The following ZCWPW2 variants were observed in gnomAD, a reference collection of about 807,000 sequenced individuals.
The protein encoded by ZCWPW2 is zinc finger CW-type PWWP domain protein 2.
ZCWPW2 carries 45 observed loss-of-function variants against 46.6 expected under a neutral mutation model. The observed-to-expected ratio is 0.96, with a 90% CI of 0.76 to 1.24. ZCWPW2 has a LOEUF of 1.24. Ranked by LOEUF, ZCWPW2 falls within the 50% of genes most tolerant of loss-of-function variation. ZCWPW2 has a pLI of 0.00. For missense variants in ZCWPW2, 429 were observed against 403.9 expected (o/e 1.06, Z -0.53); for synonymous variants, 152 against 137.1 (o/e 1.11, Z -0.76).
At chr3:28,449,769 T>C (rs1371888915) in intron 4 of ZCWPW2, among the ~76,000 whole-genome samples, 1 of 152,214 alleles carries the variant, frequency 6.6e-6, no homozygotes, top group Non-Finnish European at 1.5e-5. Context: ...ACCATGAACA[T>C]GTGCTGCAGG....
intron 4 of ZCWPW2, among the ~76,000 whole-genome samples, chr3:28,455,811 TC>T (rs1010293173): frequency 3.3e-5 from 5 of 152,192 alleles, no homozygotes; most frequent in Admixed American, 6.5e-5. Flanking sequence ...GGGCCTTATT[TC>T]TGGGTTCTTT....
chr3:28,430,643 C>T (rs1171360075), intron 3 of ZCWPW2, among the ~76,000 whole-genome samples: 1 of 152,150 alleles, frequency 6.6e-6, no homozygotes, highest in African/African-American at 2.4e-5. Context: ...ACCCAAATCT[C>T]ATCTTGAATT....
chr3:28,466,332 CA>C (rs1698822663), intron 4 of ZCWPW2, among the ~76,000 whole-genome samples: 2 of 151,978 alleles, frequency 1.3e-5, no homozygotes, highest in Admixed American at 6.6e-5. Context: ...CCCCTGAACC[CA>C]AAATAAAAGT....
intron 1 of ZCWPW2, among the ~76,000 whole-genome samples, chr3:28,381,198 A>G (rs1354358937): frequency 6.6e-6 from 1 of 150,420 alleles, no homozygotes; most frequent in Non-Finnish European, 1.5e-5. Flanking sequence ...GTCCTCCTCA[A>G]AGTTCCAAAC....
intron 1 of ZCWPW2, among the ~76,000 whole-genome samples, chr3:28,371,043 T>A (rs1333743226): frequency 6.6e-6 from 1 of 152,068 alleles, no homozygotes. Flanking sequence ...ATTTTTTTTT[T>A]AACTATAATT....
chr3:28,391,229 G>C (rs1242815189), intron 2 of ZCWPW2, among the ~76,000 whole-genome samples: 1 of 152,156 alleles, frequency 6.6e-6, no homozygotes, highest in East Asian at 1.9e-4. Context: ...AAGGGTGACT[G>C]ATGAAATTTG....
intron 6 of ZCWPW2, among the ~76,000 whole-genome samples, chr3:28,503,906 C>A (rs1700212357): frequency 6.6e-6 from 1 of 151,618 alleles, no homozygotes; most frequent in Non-Finnish European, 1.5e-5. Context: ...TAGTTAATAC[C>A]TTTACTTTGC....
At chr3:28,384,085 A>G (rs939137833) in intron 1 of ZCWPW2, among the ~76,000 whole-genome samples, 2 of 152,104 alleles carry the variant, frequency 1.3e-5, no homozygotes, top group African/African-American at 4.8e-5. Context: ...ATTTTCCTCC[A>G]TATTTTAAAT....
chr3:28,351,936 G>A (rs1704567366), intron 1 of ZCWPW2, among the ~76,000 whole-genome samples: 2 of 152,122 alleles, frequency 1.3e-5, no homozygotes, highest in South Asian at 2.1e-4. Context: ...CATATCACAT[G>A]TTCAGGTTAC....
At chr3:28,518,417 G>A (rs1433554972) in intron 8 of ZCWPW2, among the ~76,000 whole-genome samples, 2 of 151,952 alleles carry the variant, frequency 1.3e-5, no homozygotes, top group African/African-American at 2.4e-5. Context: ...TGTAGATTAA[G>A]GTAACTGCTA....
intron 1 of ZCWPW2, among the ~76,000 whole-genome samples, chr3:28,385,413 G>A (rs1695234647): frequency 6.6e-6 from 1 of 152,132 alleles, no homozygotes; most frequent in South Asian, 2.1e-4. Context: ...GCATGATCAG[G>A]TGCCAGAATA....
intron 3 of ZCWPW2, among the ~76,000 whole-genome samples, chr3:28,425,594 A>C (rs768421199): frequency 6.6e-6 from 1 of 152,184 alleles, no homozygotes; most frequent in Non-Finnish European, 1.5e-5. Flanking sequence ...TCTTGTCAAC[A>C]TTTCAGAGTT....
At chr3:28,390,359 A>G in intron 1 of ZCWPW2, 139 bp from the exon 2 acceptor site, 1 of 630,328 alleles carries the variant, frequency 1.6e-6, no homozygotes, top group Non-Finnish European at 2.0e-6. Flanking sequence ...TACAAATTCC[A>G]AAATTTCCTA....
intron 1 of ZCWPW2, among the ~76,000 whole-genome samples, chr3:28,366,944 G>A (rs544909427): frequency 4.6e-5 from 7 of 152,118 alleles, no homozygotes; most frequent in Non-Finnish European, 7.4e-5. Context: ...GGTGTTTATA[G>A]TATTCTCTGA....
At chr3:28,480,449 T>A (rs1186168934) in intron 5 of ZCWPW2, among the ~76,000 whole-genome samples, 1 of 152,136 alleles carries the variant, frequency 6.6e-6, no homozygotes, top group Non-Finnish European at 1.5e-5. Context: ...TCCCTATAGA[T>A]GGTGGATATT....
intron 5 of ZCWPW2, among the ~76,000 whole-genome samples, chr3:28,482,615 A>T (rs1280615199): frequency 6.6e-6 from 1 of 152,190 alleles, no homozygotes; most frequent in Non-Finnish European, 1.5e-5. Context: ...CATTCCCACC[A>T]GCAATGAATG....
chr3:28,523,923 CAG>C (rs1158727910), intron 9 of ZCWPW2, among the ~76,000 whole-genome samples: 7 of 152,106 alleles, frequency 4.6e-5, no homozygotes, highest in South Asian at 2.1e-4. Flanking sequence ...ACAAATAAAA[CAG>C]AGTTTACTGA....
chr3:28,404,776 G>A (rs1001826885), intron 2 of ZCWPW2, among the ~76,000 whole-genome samples: 2 of 152,174 alleles, frequency 1.3e-5, no homozygotes, highest in African/African-American at 2.4e-5. Flanking sequence ...ATGTAACTCA[G>A]GAATGGAAAA....
chr3:28,425,036 A>AT (rs1431024011), intron 3 of ZCWPW2, among the ~76,000 whole-genome samples: 1 of 152,094 alleles, frequency 6.6e-6, no homozygotes, highest in Non-Finnish European at 1.5e-5. Context: ...CAAAAAATTG[A>AT]TTTTTTTGTC....
Sources: allele counts gnomAD v4.1 joint callset (sites outside exome capture counted in the v4.1 genomes callset), GRCh38; gene constraint gnomAD v4.1.1; transcripts MANE v1.5; gene names NCBI Gene and HGNC (gene_info 2026-07-23, HGNC 2026-07-21).